IQGAP1: variants seen among roughly 807,000 people sequenced by gnomAD.
IQGAP1 encodes the protein ras GTPase-activating-like protein IQGAP1.
In IQGAP1, 66 loss-of-function variants were observed where a neutral mutation model predicts 215.6. The observed-to-expected ratio is 0.31, with a 90% CI of 0.25 to 0.38. The LOEUF (loss-of-function observed/expected upper bound fraction) is 0.38. Ranked by LOEUF, IQGAP1 falls within the 10% of genes least tolerant of loss-of-function variation. The probability of loss-of-function intolerance (pLI) is 1.00; values close to 1 mark genes in which losing one functional copy is unlikely to be tolerated. For missense variants in IQGAP1, 1,712 were observed against 1,997.1 expected, an observed-to-expected ratio of 0.86 and a Z score of 2.72; for synonymous variants, 772 against 728.7, an observed-to-expected ratio of 1.06 and a Z score of -0.96.
At chr15:90,456,838 A>AGAT (rs750486520) in intron 15 of IQGAP1, among the ~76,000 whole-genome samples, 9 of 150,748 alleles carry the variant, frequency 6.0e-5, no homozygotes, top group African/African-American at 9.7e-5. Context: ...CAGTGAGCCG[A>AGAT]GATTGCGCCA....
chr15:90,440,388 C>A, intron 6 of IQGAP1, 114 bp from the exon 7 acceptor site: 1 of 700,928 alleles, frequency 1.4e-6, no homozygotes, highest in Non-Finnish European at 2.5e-6. Context: ...CCTTATAAAA[C>A]CCTAAAAGGT....
chr15:90,481,086 G>C (rs1357593296), intron 26 of IQGAP1, among the ~76,000 whole-genome samples: 2 of 152,122 alleles, frequency 1.3e-5, no homozygotes. Context: ...TTATCATGAA[G>C]TCGAGGTGCT....
intron 26 of IQGAP1, among the ~76,000 whole-genome samples, chr15:90,479,784 C>G (rs1490857229): frequency 6.6e-6 from 1 of 151,990 alleles, no homozygotes; most frequent in African/African-American, 2.4e-5. Context: ...CTGATTGGTT[C>G]TCAGTACCAT....
chr15:90,456,451 A>G lies in IQGAP1; in HGVS notation c.1776+136A>G, dbSNP rs1460350176. 3 of 772,662 alleles carry G rather than the reference A, an allele frequency of 3.9e-6. No homozygotes were observed. In the East Asian group the frequency reaches 8.1e-5, roughly 21 times the overall value. 47.9% of individuals were successfully genotyped at this position (772,662 alleles called of 1,614,324 possible). On this transcript the variant is annotated intron_variant, in intron 15 of 37. Coordinates refer to ENST00000268182, the MANE Select transcript of IQGAP1 (RefSeq NM_003870.4). ...CCCTTAGATTCAAAGCACTGGAGGG[A>G]CACAAAAATGTGAGAGACATAGGCT...
intron 2 of IQGAP1, among the ~76,000 whole-genome samples, chr15:90,398,874 C>T (rs138537961): frequency 4.8e-4 from 73 of 151,840 alleles, no homozygotes; most frequent in Admixed American, 5.9e-4. Flanking sequence ...GGTATGGTGG[C>T]GTGTGCTTGT....
At chr15:90,445,530 C>T (rs1178902086) in intron 9 of IQGAP1, among the ~76,000 whole-genome samples, 1 of 152,120 alleles carries the variant, frequency 6.6e-6, no homozygotes, top group Non-Finnish European at 1.5e-5. Context: ...ATTGCTTGAT[C>T]TTTATTTCTG....
chr15:90,431,742 ATTG>A lies in IQGAP1; in HGVS notation c.391-1971_391-1969del, dbSNP rs1436126860. 7.2e-5 allele frequency among the ~76,000 whole-genome samples: 11 copies of A among 152,144 alleles called. 1 individual carries two copies. The highest frequency in any genetic ancestry group is 7.2e-4 in the Admixed American group (11 of 15,264). On this transcript the variant is annotated intron_variant, in intron 4 of 37. Coordinates refer to ENST00000268182, the MANE Select transcript of IQGAP1 (RefSeq NM_003870.4). ...AGAACTAATGATAACCTAAAAATGTATTGTTGTTCTTAATATAATGTATAATAC... is the reference window on the plus strand; with the variant it reads ...AGAACTAATGATAACCTAAAAATGTATTGTTCTTAATATAATGTATAATAC...
At chr15:90,393,103 A>G (rs1469074054) in intron 2 of IQGAP1, among the ~76,000 whole-genome samples, 1 of 97,190 alleles carries the variant, frequency 1.0e-5, no homozygotes, top group Non-Finnish European at 1.9e-5. Flanking sequence ...CACCTGGGGA[A>G]CTTAAAAAAA....
intron 37 of IQGAP1, among the ~76,000 whole-genome samples, 165 bp from the exon 38 acceptor site, chr15:90,499,818 TGTGCAGTGGGTA>T (rs1966317903): frequency 6.6e-6 from 1 of 152,214 alleles, no homozygotes; most frequent in Admixed American, 6.5e-5. Flanking sequence ...TCAGGCTGGT[TGTGCAGTGGGTA>T]GTTGCCTAGC....
intron 36 of IQGAP1, among the ~76,000 whole-genome samples, chr15:90,495,732 G>C (rs1399735558): frequency 6.8e-6 from 1 of 148,106 alleles, no homozygotes; most frequent in Non-Finnish European, 1.5e-5. Flanking sequence ...TGGCCTCCCA[G>C]GTTCAAGCAA....
Position 90,476,777 on chromosome 15 carries a change from G to A in IQGAP1, c.2899G>A (p.Glu967Lys), listed in dbSNP as rs745393741. ...CAAGGCTTTGAGCAAGGAGAAGAGA[G>A]AGAAGTTGGAAGCTTACCAGCACCT... ...GLKALSKEKREKLEAYQHLFY... is the reference protein window; with the variant it reads ...GLKALSKEKRKKLEAYQHLFY... Residue 967 changes from glutamate (E) to lysine (K), a missense_variant, in exon 24 of 38, where the codon GAG becomes AAG. Physicochemically the swap from Glu to Lys is moderately conservative, Grantham distance 56. Around this residue, in one of 2 missense-constraint regions of IQGAP1, gnomAD observed 691 missense variants for 923.0 expected, o/e 0.75. Coordinates refer to ENST00000268182, the MANE Select transcript of IQGAP1 (RefSeq NM_003870.4). The A allele has an allele frequency of 5.6e-6, 9 of 1,605,526 alleles. No individual in the cohort carries two copies. The highest frequency in any genetic ancestry group is 7.6e-6 in the Non-Finnish European group (9 of 1,178,182).
rs1365820874 is a variant in IQGAP1, at chr15:90,494,634, A to C, written c.4629-79A>C. On this transcript the variant is annotated intron_variant, in intron 35 of 37. Transcript: ENST00000268182. ...TATGTCTGGAAGTTTGGTTTCTGAC[A>C]TGTTTCCTTCAGTTACCAATGATGA... 7.8e-6 allele frequency: 10 copies of C among 1,283,836 alleles called. No individual in the cohort carries two copies. In the Admixed American group the frequency reaches 2.5e-4, roughly 32 times the overall value. 79.5% of individuals were successfully genotyped at this position (1,283,836 alleles called of 1,614,324 possible). A position where few individuals can be genotyped will look rare whatever the true frequency, so the allele number is the denominator to read the frequency against.
intron 23 of IQGAP1, among the ~76,000 whole-genome samples, chr15:90,476,108 T>A (rs1438142504): frequency 6.6e-6 from 1 of 152,048 alleles, no homozygotes; most frequent in Non-Finnish European, 1.5e-5. Context: ...GCAAATTATA[T>A]TTTTATAAGA....
chr15:90,468,275 G>T (rs1965859303), intron 18 of IQGAP1, among the ~76,000 whole-genome samples: 3 of 152,116 alleles, frequency 2.0e-5, no homozygotes, highest in Admixed American at 6.5e-5. Flanking sequence ...CTGTTGGCCA[G>T]GCTGGTCTTG....
At chr15:90,435,171 A>C (rs1423248075) in intron 5 of IQGAP1, among the ~76,000 whole-genome samples, 1 of 151,644 alleles carries the variant, frequency 6.6e-6, no homozygotes, top group African/African-American at 2.4e-5. Flanking sequence ...AGAATGTAGC[A>C]ATTTCAAATA....
chr15:90,487,466 AT>A, intron 32 of IQGAP1, 28 bp from the exon 33 acceptor site: 3 of 1,546,752 alleles, frequency 1.9e-6, no homozygotes, highest in Non-Finnish European at 2.7e-6. Flanking sequence ...CACTGGTAAT[AT>A]TTAAATGCCT....
intron 33 of IQGAP1, among the ~76,000 whole-genome samples, chr15:90,489,886 C>G (rs1232334498): frequency 6.6e-6 from 1 of 152,182 alleles, no homozygotes; most frequent in Non-Finnish European, 1.5e-5. Context: ...TTACAATATT[C>G]CCATGAGTCG....
At chr15:90,422,648 A>G (rs886557531) in intron 2 of IQGAP1, among the ~76,000 whole-genome samples, 37 of 69,790 alleles carry the variant, frequency 5.3e-4, no homozygotes, top group African/African-American at 1.2e-3. Context: ...ATGTATATGT[A>G]TATATATATA....
intron 26 of IQGAP1, among the ~76,000 whole-genome samples, chr15:90,480,609 A>G (rs967733673): frequency 7.2e-5 from 11 of 152,116 alleles, no homozygotes; most frequent in African/African-American, 2.2e-4. Flanking sequence ...TAGTCTACCA[A>G]TTTTAATTTA....
Sources: allele counts gnomAD v4.1 joint callset (sites outside exome capture counted in the v4.1 genomes callset), GRCh38; gene constraint gnomAD v4.1.1; regional missense constraint gnomAD v4.1.1; transcripts MANE v1.5; gene names NCBI Gene and HGNC (gene_info 2026-07-23, HGNC 2026-07-21).